The following BPI variants were observed in gnomAD, a reference collection of about 807,000 sequenced individuals.
The protein encoded by BPI is bactericidal permeability-increasing protein.
BPI carries 48 observed loss-of-function variants against 57.6 expected under a neutral mutation model. That is an observed-to-expected ratio of 0.83 (90% CI 0.66 to 1.06). BPI has a LOEUF of 1.06. BPI is among the 50% of genes least tolerant of loss of function. BPI has a pLI of 0.00. For synonymous variants in BPI, 237 were observed against 238.2 expected, an observed-to-expected ratio of 0.99 and a Z score of 0.05; for missense variants, 651 against 609.7, an observed-to-expected ratio of 1.07 and a Z score of -0.71.
intron 1 of BPI, among the ~76,000 whole-genome samples, chr20:38,307,278 T>A (rs2076601355): frequency 6.6e-6 from 1 of 152,096 alleles, no homozygotes; most frequent in Non-Finnish European, 1.5e-5. Context: ...TGCCAACAAA[T>A]AAAGTGTTAT....
intron 6 of BPI, among the ~76,000 whole-genome samples, chr20:38,318,957 A>T (rs1457386437): frequency 6.6e-6 from 1 of 152,116 alleles, no homozygotes; most frequent in Non-Finnish European, 1.5e-5. Context: ...CACAGGAGTA[A>T]CCTGGCCGGG....
At chr20:38,317,518 G>A in intron 5 of BPI, 1 of 611,998 alleles carries the variant, frequency 1.6e-6, no homozygotes, top group South Asian at 2.0e-5. Context: ...CACTTCCATG[G>A]TCTCTCCACA....
chr20:38,320,349 A>G (rs1432649761), intron 7 of BPI, 75 bp downstream of exon 7: 2 of 1,319,784 alleles, frequency 1.5e-6, no homozygotes, highest in Non-Finnish European at 2.1e-6. Context: ...GTCCTTGGAA[A>G]CAAACTTAAC....
chr20:38,322,367 T>A (rs1452521289), intron 7 of BPI, among the ~76,000 whole-genome samples: 1 of 152,224 alleles, frequency 6.6e-6, no homozygotes, highest in Non-Finnish European at 1.5e-5. Flanking sequence ...CAATAAGTAA[T>A]TATCCTCAGT....
chr20:38,311,358 C>T (rs2076620985), intron 4 of BPI, among the ~76,000 whole-genome samples: 1 of 152,164 alleles, frequency 6.6e-6, no homozygotes, highest in African/African-American at 2.4e-5. Flanking sequence ...CACAGAATTA[C>T]AAAAGGAGAC....
At chr20:38,317,424 C>A (rs2076657403) in intron 5 of BPI, among the ~76,000 whole-genome samples, 1 of 152,206 alleles carries the variant, frequency 6.6e-6, no homozygotes, top group South Asian at 2.1e-4. Context: ...GTTAGAATTA[C>A]CTGGAGAGTT....
intron 5 of BPI, among the ~76,000 whole-genome samples, chr20:38,312,922 G>C (rs2122504798): frequency 6.6e-6 from 1 of 152,326 alleles, no homozygotes; most frequent in South Asian, 2.1e-4. Context: ...GGAGCCAGTG[G>C]CTCGGTTGGG....
At chr20:38,320,548 C>T (rs2076676428) in intron 7 of BPI, among the ~76,000 whole-genome samples, 2 of 151,750 alleles carry the variant, frequency 1.3e-5, no homozygotes, top group Admixed American at 1.3e-4. Context: ...ACACAGCTCT[C>T]CCTTGCTTCC....
chr20:38,328,326 G>A (rs1600711676), intron 11 of BPI, among the ~76,000 whole-genome samples: 2 of 152,138 alleles, frequency 1.3e-5, no homozygotes, highest in East Asian at 1.9e-4. Flanking sequence ...GCTGAGGCAG[G>A]TGGATCAACT....
intron 2 of BPI, 36 bp downstream of exon 2, chr20:38,307,717 G>A: frequency 6.5e-7 from 1 of 1,532,882 alleles, no homozygotes; most frequent in Non-Finnish European, 9.0e-7. Flanking sequence ...CGATTTGCAG[G>A]ACTTGTAGTG....
intron 5 of BPI, among the ~76,000 whole-genome samples, chr20:38,314,108 G>A (rs2076636315): frequency 6.9e-6 from 1 of 144,280 alleles, no homozygotes; most frequent in Non-Finnish European, 1.5e-5. Flanking sequence ...TGGTGGTGAT[G>A]GTAATGGTGG....
At chr20:38,316,568 T>C (rs1600703220) in intron 5 of BPI, among the ~76,000 whole-genome samples, 2 of 152,332 alleles carry the variant, frequency 1.3e-5, no homozygotes, top group East Asian at 1.9e-4. Context: ...AAGTCATTTA[T>C]TGGGAGGGGT....
chr20:38,326,493 TGG>T, intron 10 of BPI, 61 bp downstream of exon 10: 1 of 1,502,636 alleles, frequency 6.7e-7, no homozygotes, highest in Non-Finnish European at 8.9e-7. Flanking sequence ...GCACTGTCTT[TGG>T]AGTCAGGAGA....
chr20:38,328,510 A>G (rs1213968302), intron 11 of BPI, among the ~76,000 whole-genome samples: 2 of 152,072 alleles, frequency 1.3e-5, no homozygotes, highest in Non-Finnish European at 2.9e-5. Context: ...AGATCGCCCC[A>G]TTGCACTCCA....
intron 7 of BPI, among the ~76,000 whole-genome samples, chr20:38,320,697 C>CACACAG (rs1389781489): frequency 1.3e-5 from 2 of 151,264 alleles, no homozygotes; most frequent in African/African-American, 4.9e-5. Context: ...CACACACACA[C>CACACAG]AGAGTCTCTA....
chr20:38,332,039 C>T (rs1292790720), intron 12 of BPI, among the ~76,000 whole-genome samples: 2 of 152,076 alleles, frequency 1.3e-5, no homozygotes, highest in African/African-American at 2.4e-5. Context: ...GGGGCAAAAG[C>T]CCTGTGGTAG....
At chr20:38,305,831 G>A (rs1372353943) in intron 1 of BPI, among the ~76,000 whole-genome samples, 1 of 152,162 alleles carries the variant, frequency 6.6e-6, no homozygotes, top group East Asian at 1.9e-4. Flanking sequence ...TTGGCACAGA[G>A]TAAAGCTCGA....
In BPI at chr20:38,319,791, C is replaced by T. The variant is rs556537075; in HGVS notation, c.665-392C>T. 2.1e-5 allele frequency: 4 copies of T among 189,162 alleles called. No homozygotes were observed. The South Asian group carries it at 3.6e-4, about 17-fold the overall frequency. 11.7% of individuals were successfully genotyped at this position (189,162 alleles called of 1,614,324 possible). A position where few individuals can be genotyped will look rare whatever the true frequency, so the allele number is the denominator to read the frequency against. ...CTGCATGGACAGGGCATTGGGCATC[C>T]ACCTCCTCTCAAAACCCTCCCAGCA... On this transcript the variant is annotated intron_variant, in intron 6 of 14. Coordinates refer to ENST00000642449, the MANE Select transcript of BPI (RefSeq NM_001725.3).
chr20:38,323,139 C>A (rs2076695195), intron 7 of BPI, among the ~76,000 whole-genome samples: 1 of 152,146 alleles, frequency 6.6e-6, no homozygotes, highest in Non-Finnish European at 1.5e-5. Context: ...CTCCCCCCAC[C>A]CCAGAACCAT....
Sources: allele counts gnomAD v4.1 joint callset (sites outside exome capture counted in the v4.1 genomes callset), GRCh38; gene constraint gnomAD v4.1.1; transcripts MANE v1.5; gene names NCBI Gene and HGNC (gene_info 2026-07-23, HGNC 2026-07-21).